The following ROR1 variants were observed in gnomAD, a reference collection of about 807,000 sequenced individuals.
The protein encoded by ROR1 is inactive tyrosine-protein kinase transmembrane receptor ROR1.
Under a neutral mutation model 78.8 loss-of-function variants are expected in ROR1, and 19 were observed. That is an observed-to-expected ratio of 0.24 (90% confidence interval 0.17 to 0.35). The LOEUF is 0.35. ROR1 is among the 10% of genes least tolerant of loss of function. The pLI is 1.00. For synonymous variants in ROR1, 386 were observed against 433.6 expected, an observed-to-expected ratio of 0.89 and a Z score of 1.36; for missense variants, 917 against 1,177.8, an observed-to-expected ratio of 0.78 and a Z score of 3.24.
intron 4 of ROR1, among the ~76,000 whole-genome samples, chr1:64,077,564 C>T (rs1170596546): frequency 1.3e-5 from 2 of 152,208 alleles, no homozygotes; most frequent in African/African-American, 2.4e-5. Flanking sequence ...CCACCTTTAG[C>T]GTCTGGCCCA....
chr1:63,815,804 C>T (rs143022699), intron 1 of ROR1, among the ~76,000 whole-genome samples: 5,882 of 152,200 alleles, frequency 0.039, 215 homozygotes, highest in Admixed American at 0.11. Flanking sequence ...CCATGAATTA[C>T]ACATACCCAG....
chr1:64,128,727 T>C (rs1648806867), intron 4 of ROR1, among the ~76,000 whole-genome samples: 2 of 152,064 alleles, frequency 1.3e-5, no homozygotes, highest in South Asian at 4.1e-4. Context: ...TTATAAACAA[T>C]AAACAATTGA....
Position 64,145,530 on chromosome 1 carries a change from A to G in ROR1, c.1174+2880A>G, listed in dbSNP as rs530553996. 2.6e-5 allele frequency among the ~76,000 whole-genome samples: 4 copies of G among 152,258 alleles called. No individual in the cohort carries two copies. The East Asian group carries it at 5.8e-4, about 22-fold the overall frequency. ...GTTGCCGGGTTTCATACACCTTCAT[A>G]TGGGCTTTAATATACTTTCATACGT... On this transcript the variant is annotated intron_variant, in intron 7 of 8. Coordinates refer to ENST00000371079, the MANE Select transcript of ROR1 (RefSeq NM_005012.4).
chr1:63,910,517 G>A (rs922682791), intron 1 of ROR1, among the ~76,000 whole-genome samples: 12 of 152,242 alleles, frequency 7.9e-5, no homozygotes, highest in Middle Eastern at 3.4e-3. Flanking sequence ...TGAATTCTGA[G>A]TTCCAGTCTT....
intron 1 of ROR1, among the ~76,000 whole-genome samples, chr1:63,795,149 G>C (rs992842475): frequency 3.3e-5 from 5 of 152,084 alleles, no homozygotes; most frequent in African/African-American, 1.2e-4. Flanking sequence ...AGCCAGGCTG[G>C]TGCTCCAGAG....
chr1:64,147,005 T>A (rs1414386744), intron 7 of ROR1, among the ~76,000 whole-genome samples: 1 of 152,168 alleles, frequency 6.6e-6, no homozygotes, highest in Non-Finnish European at 1.5e-5. Flanking sequence ...AACTCAAAGC[T>A]CATGTTCTTT....
intron 1 of ROR1, among the ~76,000 whole-genome samples, chr1:63,810,495 A>G (rs757806839): frequency 7.2e-5 from 11 of 152,222 alleles, no homozygotes; most frequent in Non-Finnish European, 1.5e-4. Context: ...AGGGGGAAAC[A>G]CACATGTAAT....
intron 2 of ROR1, among the ~76,000 whole-genome samples, chr1:64,030,133 C>T (rs1443121412): frequency 6.6e-6 from 1 of 152,260 alleles, no homozygotes; most frequent in East Asian, 1.9e-4. Flanking sequence ...CCAGTTTGCT[C>T]CCAATTTTAT....
intron 1 of ROR1, among the ~76,000 whole-genome samples, chr1:63,790,034 T>G (rs1459361877): frequency 2.6e-5 from 4 of 152,188 alleles, no homozygotes; most frequent in Non-Finnish European, 5.9e-5. Flanking sequence ...TCCTTCTGTC[T>G]TGGCTCAGAT....
At chr1:63,878,431 T>C (rs1044042973) in intron 1 of ROR1, among the ~76,000 whole-genome samples, 1 of 152,180 alleles carries the variant, frequency 6.6e-6, no homozygotes, top group African/African-American at 2.4e-5. Flanking sequence ...AGCAGTCTCC[T>C]GACGGTCTCT....
At chr1:63,804,047 T>C (rs954096428) in intron 1 of ROR1, among the ~76,000 whole-genome samples, 7 of 152,030 alleles carry the variant, frequency 4.6e-5, no homozygotes, top group African/African-American at 1.7e-4. Flanking sequence ...AAGGTTATAT[T>C]TATAGAACAT....
At chr1:63,871,078 A>G (rs1645248215) in intron 1 of ROR1, among the ~76,000 whole-genome samples, 1 of 152,252 alleles carries the variant, frequency 6.6e-6, no homozygotes, top group Non-Finnish European at 1.5e-5. Context: ...AACACCTGGC[A>G]TAAATAATAA....
chr1:64,118,194 C>A (rs892649067), intron 4 of ROR1, among the ~76,000 whole-genome samples: 1 of 152,136 alleles, frequency 6.6e-6, no homozygotes, highest in Admixed American at 6.5e-5. Context: ...CAGCATGAGA[C>A]CCTGTCTCAA....
intron 1 of ROR1, among the ~76,000 whole-genome samples, chr1:63,799,353 A>T (rs1644781626): frequency 6.6e-6 from 1 of 152,060 alleles, no homozygotes; most frequent in Non-Finnish European, 1.5e-5. Context: ...ACATTGTCTG[A>T]CTTCTCTCAC....
At chr1:63,915,843 A>G (rs987849765) in intron 1 of ROR1, among the ~76,000 whole-genome samples, 4 of 152,034 alleles carry the variant, frequency 2.6e-5, no homozygotes, top group African/African-American at 9.7e-5. Context: ...TATACTAAAT[A>G]TCTTGTAATG....
chr1:64,148,759 A>G (rs1427042104), intron 7 of ROR1, among the ~76,000 whole-genome samples: 1 of 152,208 alleles, frequency 6.6e-6, no homozygotes, highest in Non-Finnish European at 1.5e-5. Flanking sequence ...GGCTAGGATT[A>G]TATGCATATG....
At chr1:64,122,705 C>T (rs1275705956) in intron 4 of ROR1, among the ~76,000 whole-genome samples, 2 of 152,168 alleles carry the variant, frequency 1.3e-5, no homozygotes, top group Admixed American at 1.3e-4. Flanking sequence ...ACAGAGCTGT[C>T]CTTCAAGCAT....
chr1:64,072,382 G>A (rs1452850324), intron 4 of ROR1, among the ~76,000 whole-genome samples: 1 of 152,068 alleles, frequency 6.6e-6, no homozygotes, highest in East Asian at 1.9e-4. Context: ...TCTGGTGCAG[G>A]GACCCAAATA....
intron 4 of ROR1, among the ~76,000 whole-genome samples, chr1:64,113,333 A>C (rs780030660): frequency 1.7e-4 from 26 of 152,340 alleles, no homozygotes; most frequent in Admixed American, 4.6e-4. Flanking sequence ...GAAAGAGTGA[A>C]TCAGTGAAAG....
Sources: gnomAD v4.1 joint callset for allele counts (sites outside exome capture counted in the v4.1 genomes callset) on GRCh38, gnomAD v4.1.1 for gene constraint, MANE v1.5 for transcripts, NCBI Gene and HGNC (gene_info 2026-07-23, HGNC 2026-07-21) for gene names.